Variants in ADD1 observed in about 807,000 individuals in gnomAD.
ADD1 encodes the protein alpha-adducin.
ADD1 carries 24 observed loss-of-function variants against 80.5 expected under a neutral mutation model. That is an observed-to-expected ratio of 0.30 (90% confidence interval 0.22 to 0.42). The LOEUF is 0.42. Ranked by LOEUF, ADD1 falls within the 10% of genes least tolerant of loss-of-function variation. ADD1 has a pLI of 1.00. For missense variants in ADD1, 948 were observed against 1,019.0 expected, an observed-to-expected ratio of 0.93 and a Z score of 0.95; for synonymous variants, 373 against 393.8, an observed-to-expected ratio of 0.95 and a Z score of 0.63.
chr4:2,904,635 A>T, intron 9 of ADD1, 129 bp from the exon 10 acceptor site: 1 of 802,174 alleles, frequency 1.2e-6, no homozygotes, highest in Non-Finnish European at 2.0e-6. Context: ...TAAAATTAGG[A>T]GTGGAATTAC....
chr4:2,883,678 CT>C (rs879343166), intron 3 of ADD1, among the ~76,000 whole-genome samples: 53 of 145,984 alleles, frequency 3.6e-4, no homozygotes, highest in Non-Finnish European at 3.5e-4. Flanking sequence ...TTTCTCTTTT[CT>C]TTTTTTTTTT....
chr4:2,853,293 ATAAGGG>A (rs1463430889), intron 1 of ADD1: 1 of 151,802 alleles, frequency 6.6e-6, no homozygotes, highest in Non-Finnish European at 1.5e-5. Flanking sequence ...TTTAGTAGAG[ATAAGGG>A]TTTCACCATG....
chr4:2,855,877 T>C (rs554537414), intron 1 of ADD1, among the ~76,000 whole-genome samples: 1 of 151,998 alleles, frequency 6.6e-6, no homozygotes, highest in East Asian at 1.9e-4. Context: ...TTTTTGTATT[T>C]TTTTGTTGAA....
chr4:2,862,861 A>G (rs1472118292), intron 1 of ADD1, among the ~76,000 whole-genome samples: 2 of 152,206 alleles, frequency 1.3e-5, no homozygotes, highest in African/African-American at 4.8e-5. Flanking sequence ...TGCCTGGTCT[A>G]TAGCAGCCTC....
At chr4:2,851,351 G>A (rs764489240) in intron 1 of ADD1, among the ~76,000 whole-genome samples, 1 of 152,246 alleles carries the variant, frequency 6.6e-6, no homozygotes, top group Non-Finnish European at 1.5e-5. Flanking sequence ...TGAGGCTGTG[G>A]TAAGCAAACT....
chr4:2,904,729 A>T, intron 9 of ADD1, 35 bp from the exon 10 acceptor site: 1 of 1,572,678 alleles, frequency 6.4e-7, no homozygotes, highest in Non-Finnish European at 8.7e-7. Flanking sequence ...TGAGATCTGG[A>T]ATATTGACTG....
Position 2,904,961 on chromosome 4 carries a change from C to T in ADD1, c.1359C>T (p.Gly453=), listed in dbSNP as rs765758681. The change falls in exon 10 of 16, where the codon GGC becomes GGT. Residue 453 remains glycine (G), a synonymous_variant. Coordinates refer to ENST00000683351, the MANE Select transcript of ADD1 (RefSeq NM_001354761.2). ...EKTRWLNSGR[G]DEASEEGQNG... ...CAAGATGGCTGAACTCTGGCCGGGG[C>T]GACGAAGCTTCCGAGGAAGGGCAGA... 36 of 1,613,998 alleles carry T rather than the reference C, an allele frequency of 2.2e-5. No homozygotes were observed. Among genetic ancestry groups the T allele is most frequent in the Non-Finnish European group, 2.5e-5 (30 of 1,180,028 alleles).
chr4:2,878,652 C>T (rs192137428), intron 2 of ADD1, among the ~76,000 whole-genome samples: 20 of 152,138 alleles, frequency 1.3e-4, no homozygotes, highest in African/African-American at 4.3e-4. Context: ...AGGCTGGGCG[C>T]GGTGGCTCAT....
At chr4:2,883,002 C>T (rs1441025480) in intron 3 of ADD1, among the ~76,000 whole-genome samples, 1 of 152,168 alleles carries the variant, frequency 6.6e-6, no homozygotes, top group Admixed American at 6.5e-5. Context: ...GCTGAGATTA[C>T]AGGCACACAC....
intron 9 of ADD1, among the ~76,000 whole-genome samples, chr4:2,903,925 C>G (rs2282774): frequency 0.19 from 28,243 of 152,134 alleles, 2,866 homozygotes; most frequent in East Asian, 0.48. Flanking sequence ...TGAGGCAGAG[C>G]TGGAGGTGAA....
chr4:2,867,873 A>G (rs894382678), intron 1 of ADD1: 6 of 152,206 alleles, frequency 3.9e-5, no homozygotes, highest in Non-Finnish European at 5.9e-5. Flanking sequence ...CAGCAACCCC[A>G]TTACTGGCTG....
In ADD1 at chr4:2,904,989, G is replaced by A. The variant is rs1317473656; in HGVS notation, c.1387G>A (p.Gly463Arg). The A allele has an allele frequency of 2.5e-6, 4 of 1,614,076 alleles. No individual in the cohort carries two copies. In the African/African-American group the frequency reaches 5.3e-5, roughly 22 times the overall value. The change falls in exon 10 of 16, where the codon GGA (glycine) becomes AGA (arginine). Residue 463 changes from glycine (G) to arginine (R), a missense_variant. Coordinates refer to ENST00000683351, the MANE Select transcript of ADD1 (RefSeq NM_001354761.2). ...GDEASEEGQNGSSPKSKTKVW... is the reference protein window; with the variant it reads ...GDEASEEGQNRSSPKSKTKVW... The stretch of plus-strand genomic sequence containing the variant: ...CGAAGCTTCCGAGGAAGGGCAGAAT[G>A]GAAGCAGTCCCAAGTCGAAGACTAA...
intron 14 of ADD1, among the ~76,000 whole-genome samples, chr4:2,923,083 G>C (rs1740345012): frequency 6.6e-6 from 1 of 152,240 alleles, no homozygotes; most frequent in Non-Finnish European, 1.5e-5. Context: ...CTCCATGGGG[G>C]TGGGATCTGC....
Position 2,881,894 on chromosome 4 carries a change from T to G in ADD1, c.196-4T>G, listed in dbSNP as rs1053363015. 6.3e-7 allele frequency: 1 copy of G among 1,591,668 alleles called. No individual in the cohort carries two copies. The highest frequency in any genetic ancestry group is 8.5e-7 in the Non-Finnish European group (1 of 1,172,448). ...TATCTCAGTGTTTTAATATTTTTTA[T>G]TAGGCTTTCTGTGAAGAATTGGAAT... On this transcript the variant is annotated splice_region_variant and splice_polypyrimidine_tract_variant and intron_variant, in intron 2 of 15. Transcript: ENST00000683351.
At chr4:2,865,171 TG>T (rs1246950350) in intron 1 of ADD1, among the ~76,000 whole-genome samples, 20 of 146,988 alleles carry the variant, frequency 1.4e-4, no homozygotes, top group African/African-American at 5.4e-4. Context: ...TATTTTCTCT[TG>T]TTTTTTTTTT....
chr4:2,909,134 C>T, intron 12 of ADD1: 3 of 589,826 alleles, frequency 5.1e-6, no homozygotes, highest in Non-Finnish European at 6.1e-6. Flanking sequence ...ACACCTGACT[C>T]TGCAGGGGTA....
intron 1 of ADD1, among the ~76,000 whole-genome samples, chr4:2,852,281 CTTTTCTTTT>C (rs1338343425): frequency 1.5e-5 from 1 of 67,460 alleles, no homozygotes; most frequent in African/African-American, 5.4e-5. Flanking sequence ...TTCCTTCCTT[CTTTTCTTTT>C]CTTTTCTTTT....
In ADD1 at chr4:2,916,242, C is replaced by T. The variant is rs188236103; in HGVS notation, c.1948+1202C>T. 2.4e-3 allele frequency among the ~76,000 whole-genome samples: 360 copies of T among 151,148 alleles called. 6 individuals are homozygous for T. The East Asian group carries it at 0.062, about 26-fold the overall frequency. On this transcript the variant is annotated intron_variant, in intron 14 of 15. Coordinates refer to ENST00000683351, the MANE Select transcript of ADD1 (RefSeq NM_001354761.2). Reference sequence around the variant, plus strand: ...GATGAAGTCTTGCTCTGTCGCCAGGCTGGAGTGCAGTGGCACGATCTCAGC... The same window carrying T: ...GATGAAGTCTTGCTCTGTCGCCAGGTTGGAGTGCAGTGGCACGATCTCAGC...
At chr4:2,865,247 ATTAC>A (rs1158001489) in intron 1 of ADD1, among the ~76,000 whole-genome samples, 1 of 152,094 alleles carries the variant, frequency 6.6e-6, no homozygotes, top group African/African-American at 2.4e-5. Flanking sequence ...TGTACTCATA[ATTAC>A]TTGATAGCAT....
Sources: allele counts gnomAD v4.1 joint callset (sites outside exome capture counted in the v4.1 genomes callset), GRCh38; gene constraint gnomAD v4.1.1; transcripts MANE v1.5; gene names NCBI Gene and HGNC (gene_info 2026-07-23, HGNC 2026-07-21).